Variants in NECAB1 observed in about 807,000 individuals in gnomAD.
NECAB1 encodes N-terminal EF-hand calcium-binding protein 1.
In NECAB1, 29 loss-of-function variants were observed where a neutral mutation model predicts 57.5. That is an observed-to-expected ratio of 0.50 (90% CI 0.38 to 0.69). NECAB1 has a LOEUF of 0.69. NECAB1 is among the 30% of genes least tolerant of loss of function. The pLI is 0.00. For missense variants in NECAB1, 372 were observed against 413.8 expected (o/e 0.90, Z 0.88); for synonymous variants, 142 against 147.7 (o/e 0.96, Z 0.28).
At chr8:90,936,617 C>T (rs983245689) in intron 9 of NECAB1, among the ~76,000 whole-genome samples, 3 of 152,052 alleles carry the variant, frequency 2.0e-5, no homozygotes, top group Admixed American at 6.6e-5. Flanking sequence ...TCTTTGCTAG[C>T]GAGGTTGTGG....
rs1808634348 is a variant in NECAB1 at position 90,872,217 on chromosome 8, T to G, written c.259+64T>G. 30 of 1,276,248 alleles carry G rather than the reference T, an allele frequency of 2.4e-5. No homozygotes were observed. The South Asian group carries it at 3.9e-4, about 17-fold the overall frequency. 79.1% of individuals were successfully genotyped at this position (1,276,248 alleles called of 1,614,324 possible). A position where few individuals can be genotyped will look rare whatever the true frequency, so the allele number is the denominator to read the frequency against. ...CTTAAGAAGGAAAAAGAGTATTGTC[T>G]GATATATATCAACCTTGGAATTAAT... On this transcript the variant is annotated intron_variant, in intron 4 of 12. Coordinates refer to ENST00000417640, the MANE Select transcript of NECAB1 (RefSeq NM_022351.5).
chr8:90,852,075 T>C (rs1174402176), intron 3 of NECAB1, among the ~76,000 whole-genome samples: 1 of 152,188 alleles, frequency 6.6e-6, no homozygotes, highest in East Asian at 1.9e-4. Flanking sequence ...ATTTAGAAAG[T>C]GGGTATTGTT....
chr8:90,929,399 A>G (rs1810353068), intron 8 of NECAB1, among the ~76,000 whole-genome samples: 1 of 152,210 alleles, frequency 6.6e-6, no homozygotes, highest in Non-Finnish European at 1.5e-5. Flanking sequence ...ATATGGAAGT[A>G]CTCACAGAAT....
At chr8:90,937,366 G>A (rs1216392784) in intron 9 of NECAB1, among the ~76,000 whole-genome samples, 3 of 152,144 alleles carry the variant, frequency 2.0e-5, no homozygotes, top group Admixed American at 2.0e-4. Context: ...TTATAGGAAA[G>A]TACAGATTTG....
chr8:90,942,847 A>T (rs1002423733), intron 10 of NECAB1, among the ~76,000 whole-genome samples: 1 of 152,266 alleles, frequency 6.6e-6, no homozygotes, highest in South Asian at 2.1e-4. Context: ...GCGCTACTGC[A>T]CCCCAGCCTG....
intron 5 of NECAB1, among the ~76,000 whole-genome samples, chr8:90,909,950 T>A (rs1436173070): frequency 6.6e-6 from 1 of 152,110 alleles, no homozygotes; most frequent in East Asian, 1.9e-4. Flanking sequence ...ATATTCTTTG[T>A]ATATTCAACA....
At position 90,934,316 on chromosome 8, in the gene NECAB1, G is replaced by A. The variant is rs1334387444; in HGVS notation, c.706G>A (p.Glu236Lys). The A allele has an allele frequency of 7.9e-6, 12 of 1,511,712 alleles. No homozygotes were observed. Among genetic ancestry groups the A allele is most frequent in the Admixed American group, 2.2e-5 (1 of 44,836 alleles). The allele number at this position is 1,511,712 out of a possible 1,614,324, so 93.6% of individuals were successfully genotyped here. The change falls in exon 9 of 13, where the codon GAA becomes AAA. Residue 236 changes from glutamate (E) to lysine (K), a missense_variant. Transcript: ENST00000417640. ...DRLEKKDLKL[E>K]PPEEEIIEGN... ...CCTCTTATTGAAGGATCTCAAACTC[G>A]AACCACCAGAAGAAGAAATTATTGA...
chr8:90,894,128 T>A (rs780430040), intron 5 of NECAB1, among the ~76,000 whole-genome samples: 16 of 152,156 alleles, frequency 1.1e-4, no homozygotes, highest in Non-Finnish European at 2.2e-4. Flanking sequence ...ATAGCATAAA[T>A]ATCATATAAA....
chr8:90,800,762 C>A (rs905573668), intron 1 of NECAB1, among the ~76,000 whole-genome samples: 2 of 152,108 alleles, frequency 1.3e-5, no homozygotes, highest in African/African-American at 2.4e-5. Context: ...TCAGGCAAAA[C>A]CATGACCTGT....
intron 8 of NECAB1, among the ~76,000 whole-genome samples, chr8:90,930,253 G>A (rs1407220921): frequency 1.3e-5 from 2 of 152,186 alleles, no homozygotes; most frequent in Non-Finnish European, 2.9e-5. Flanking sequence ...TGGCAGATTT[G>A]AAACACTTGA....
At chr8:90,873,277 G>A (rs937692214) in intron 4 of NECAB1, among the ~76,000 whole-genome samples, 7 of 152,306 alleles carry the variant, frequency 4.6e-5, no homozygotes, top group Non-Finnish European at 7.4e-5. Flanking sequence ...AAGGTACTCC[G>A]GTACCAAAGC....
chr8:90,842,266 A>C (rs1812468027), intron 3 of NECAB1, among the ~76,000 whole-genome samples: 1 of 152,208 alleles, frequency 6.6e-6, no homozygotes, highest in Non-Finnish European at 1.5e-5. Context: ...AGCCTCCTAA[A>C]AGGTCCATCC....
intron 5 of NECAB1, among the ~76,000 whole-genome samples, chr8:90,913,144 A>T (rs1468029768): frequency 6.6e-6 from 1 of 152,212 alleles, no homozygotes; most frequent in South Asian, 2.1e-4. Flanking sequence ...CTGAGAAATG[A>T]TGTGAAAATT....
intron 3 of NECAB1, among the ~76,000 whole-genome samples, chr8:90,850,016 A>C (rs1299404282): frequency 2.0e-5 from 3 of 152,218 alleles, no homozygotes; most frequent in Admixed American, 1.3e-4. Context: ...ATAATTCAAT[A>C]TACTCTGTCA....
intron 1 of NECAB1, among the ~76,000 whole-genome samples, chr8:90,796,110 C>T (rs543263473): frequency 5.6e-4 from 86 of 152,296 alleles, no homozygotes; most frequent in African/African-American, 2.0e-3. Context: ...TGCACTGATT[C>T]CTTCTCTCCA....
chr8:90,956,937 T>TAC lies in NECAB1; in HGVS notation c.*1430_*1431dup, dbSNP rs1269366343. On this transcript the variant is annotated 3_prime_UTR_variant, in exon 13 of 13. Transcript: ENST00000417640. ...GTAGTAAATTTTGATATATTGTACA[T>TAC]ACACACGTGTGTGTGTGTGTGTGTG... is the stretch of plus-strand genomic sequence containing the variant. 7.2e-6 allele frequency: 1 copy of TAC among 139,084 alleles called. No homozygotes were observed. 8.6% of individuals were successfully genotyped at this position (139,084 alleles called of 1,614,324 possible).
chr8:90,947,393 TTTTTTTTTTTTTC>T (rs1810836112), intron 10 of NECAB1, among the ~76,000 whole-genome samples: 1 of 104,998 alleles, frequency 9.5e-6, no homozygotes, highest in Admixed American at 1.0e-4. Context: ...ATGTAACTTC[TTTTTTTTTTTTTC>T]TTTTTTTTTT....
chr8:90,859,789 T>C (rs914097717), intron 3 of NECAB1, among the ~76,000 whole-genome samples: 2 of 151,852 alleles, frequency 1.3e-5, no homozygotes, highest in African/African-American at 4.9e-5. Flanking sequence ...GAGCTCACCA[T>C]TTTTTCTAAT....
At chr8:90,867,550 T>G (rs199924561) in intron 3 of NECAB1, among the ~76,000 whole-genome samples, 1 of 140,524 alleles carries the variant, frequency 7.1e-6, no homozygotes, top group South Asian at 2.1e-4. Context: ...TCTATTCATT[T>G]CTATCTATCA....
Sources: gnomAD v4.1 joint callset for allele counts (sites outside exome capture counted in the v4.1 genomes callset) on GRCh38, gnomAD v4.1.1 for gene constraint, MANE v1.5 for transcripts, NCBI Gene and HGNC (gene_info 2026-07-23, HGNC 2026-07-21) for gene names.